Variants in OLR1 observed in about 807,000 individuals in gnomAD.
OLR1 encodes oxidized low-density lipoprotein receptor 1.
A neutral mutation model predicts 31.7 loss-of-function variants in OLR1; 23 were observed. That is an observed-to-expected ratio of 0.72 (90% CI 0.52 to 1.03). The LOEUF (loss-of-function observed/expected upper bound fraction) is 1.03, where lower values mean the gene tolerates loss of function less well. OLR1 is among the 50% of genes least tolerant of loss of function. OLR1 has a pLI of 0.00. For missense variants in OLR1, 286 were observed against 315.7 expected, an observed-to-expected ratio of 0.91 and a Z score of 0.71; for synonymous variants, 117 against 115.8, an observed-to-expected ratio of 1.01 and a Z score of -0.07.
rs935182876 is a variant in OLR1, at chr12:10,159,720, G to A, written c.*160C>T. ...TAGAATCAAAAATGTTGACATAAAGGTGCCAGGCTCCTGGAACCCCAGTTT... is the reference window on the plus strand; with the variant it reads ...TAGAATCAAAAATGTTGACATAAAGATGCCAGGCTCCTGGAACCCCAGTTT... On this transcript the variant is annotated 3_prime_UTR_variant, in exon 6 of 6. Coordinates refer to ENST00000309539, the MANE Select transcript of OLR1 (RefSeq NM_002543.4). The A allele has an allele frequency of 1.2e-5, 7 of 566,660 alleles. No homozygotes were observed. Among genetic ancestry groups the A allele is most frequent in the Admixed American group, 9.1e-5 (3 of 33,094 alleles). The allele number at this position is 566,660 out of a possible 1,614,324, so 35.1% of individuals were successfully genotyped here. A position where few individuals can be genotyped will look rare whatever the true frequency, so the allele number is the denominator to read the frequency against.
Position 10,166,758 on chromosome 12 carries a change from CTGG to C in OLR1, c.375_377del (p.His125del). The C allele has an allele frequency of 1.9e-6, 3 of 1,614,008 alleles. No individual in the cohort carries two copies. On this transcript the variant is annotated inframe_deletion, in exon 3 of 6. Coordinates refer to ENST00000309539, the MANE Select transcript of OLR1 (RefSeq NM_002543.4). Reference sequence around the variant, plus strand: ...TCAGTGTTTCTTGGAGATTCAGATTCTGGTGGTGAAGTTCCATTTGCTCTTTGG... The same window carrying C: ...TCAGTGTTTCTTGGAGATTCAGATTCTGGTGAAGTTCCATTTGCTCTTTGG...
chr12:10,160,500 A>C, intron 4 of OLR1, 38 bp from the exon 5 acceptor site: 3 of 1,499,478 alleles, frequency 2.0e-6, no homozygotes, highest in Non-Finnish European at 2.8e-6. Context: ...TGGAATCCAC[A>C]TGGTGGTTTT....
chr12:10,174,643 A>G (rs1264418785), upstream of OLR1, among the ~76,000 whole-genome samples: 1 of 152,188 alleles, frequency 6.6e-6, no homozygotes, highest in African/African-American at 2.4e-5. Flanking sequence ...ACCAGGCTCT[A>G]TAATCATACA....
chr12:10,166,222 T>A (rs34163097), intron 3 of OLR1, among the ~76,000 whole-genome samples: 10,243 of 151,422 alleles, frequency 0.068, 505 homozygotes, highest in South Asian at 0.21. Context: ...AATTAAAAAA[T>A]AATAATAAAA....
chr12:10,165,738 G>A (rs1948656197), intron 3 of OLR1, among the ~76,000 whole-genome samples: 1 of 151,822 alleles, frequency 6.6e-6, no homozygotes, highest in Non-Finnish European at 1.5e-5. Flanking sequence ...TCCAGCCTGG[G>A]TGTGACACAG....
At chr12:10,171,973 C>T in intron 1 of OLR1, 29 bp downstream of exon 1, 1 of 1,551,486 alleles carries the variant, frequency 6.4e-7, no homozygotes, top group South Asian at 1.1e-5. Context: ...GGGATTCTTT[C>T]CCTGTACACA....
At chr12:10,172,822 C>T (rs1948734636), upstream of OLR1, among the ~76,000 whole-genome samples, 1 of 152,036 alleles carries the variant, frequency 6.6e-6, no homozygotes, top group Admixed American at 6.6e-5. Flanking sequence ...TACCTGATAA[C>T]ATTGTTATAG....
Position 10,160,805 on chromosome 12 carries a change from A to G in OLR1, c.545T>C (p.Ile182Thr). ...CLSLDAKLLK[I>T]NSTADLDFIQ... ...ACTCACCAGATCAGCTGTGCTATTA[A>G]TTTTCAGCAACTTGGCATCCAAAGA... The change falls in exon 4 of 6, where the codon ATT becomes ACT. Residue 182 changes from isoleucine to threonine, a missense_variant. Physicochemically the swap from Ile to Thr is moderately conservative, Grantham distance 89. Transcript: ENST00000309539. The G allele has an allele frequency of 6.2e-7, 1 of 1,614,150 alleles. No homozygotes were observed. Among genetic ancestry groups the G allele is most frequent in the Non-Finnish European group, 8.5e-7 (1 of 1,180,002 alleles).
rs1948593966 is a variant in OLR1, at chr12:10,158,628, T to C, written c.*1252A>G. 6.6e-6 allele frequency: 1 copy of C among 152,214 alleles called. No homozygotes were observed. Among genetic ancestry groups the C allele is most frequent in the Non-Finnish European group, 1.5e-5 (1 of 68,036 alleles). The allele number at this position is 152,214 out of a possible 1,614,324, so 9.4% of individuals were successfully genotyped here. On this transcript the variant is annotated 3_prime_UTR_variant, in exon 6 of 6. Coordinates refer to ENST00000309539, the MANE Select transcript of OLR1 (RefSeq NM_002543.4). ...AGCATTGTGACACTTTGAGGGATGA[T>C]GGATATGTTCACTCTCTTAATTGTA...
chr12:10,165,729 C>T (rs373936128), intron 3 of OLR1, among the ~76,000 whole-genome samples: 28 of 151,580 alleles, frequency 1.8e-4, no homozygotes, highest in African/African-American at 6.6e-4. Flanking sequence ...CCACTGCATT[C>T]CAGCCTGGGT....
upstream of OLR1, chr12:10,175,191 T>C (rs947675259): frequency 6.6e-6 from 1 of 152,228 alleles, no homozygotes; most frequent in African/African-American, 2.4e-5. Context: ...GGAATGTATG[T>C]GATCATCTAC....
At chr12:10,162,312 C>T (rs1488955401) in intron 3 of OLR1, among the ~76,000 whole-genome samples, 1 of 151,916 alleles carries the variant, frequency 6.6e-6, no homozygotes, top group African/African-American at 2.4e-5. Context: ...TGGCATAAAA[C>T]CACTAAATAA....
chr12:10,172,347 A>G, upstream of OLR1: 1 of 326,182 alleles, frequency 3.1e-6, no homozygotes, highest in South Asian at 4.9e-5. Context: ...AGGGAAAACT[A>G]TTTTTCATGA....
intron 1 of OLR1, 60 bp from the exon 2 acceptor site, chr12:10,169,235 T>G: frequency 1.7e-6 from 2 of 1,190,276 alleles, no homozygotes; most frequent in Non-Finnish European, 2.4e-6. Flanking sequence ...AAGCAAACCA[T>G]TCCTTGGAGC....
intron 4 of OLR1, 145 bp downstream of exon 4, chr12:10,160,641 G>T: frequency 9.0e-7 from 1 of 1,112,544 alleles, no homozygotes; most frequent in Non-Finnish European, 1.3e-6. Context: ...TCCGTCCAAG[G>T]TCATACACAA....
chr12:10,160,717 A>G, intron 4 of OLR1, 69 bp downstream of exon 4: 2 of 1,558,594 alleles, frequency 1.3e-6, no homozygotes, highest in Non-Finnish European at 1.8e-6. Context: ...TCCTCCAGTG[A>G]CAGTTTAAAC....
In OLR1 at chr12:10,160,330, A is replaced by G. The variant is rs1431191434; in HGVS notation, c.680+17T>C. On this transcript the variant is annotated intron_variant, in intron 5 of 5. Transcript: ENST00000309539. ...GGAAACTGACGAGAGAGGCATCAAA[A>G]AGAATGGGAAACTTACAAGTGGGGC... 6.3e-7 allele frequency: 1 copy of G among 1,593,642 alleles called. No homozygotes were observed. The highest frequency in any genetic ancestry group is 2.2e-5 in the East Asian group (1 of 44,760).
In OLR1 at chr12:10,169,058, G is replaced by A. The variant is rs368095804; in HGVS notation, c.178+16C>T. ...CCCTGCCCCAATAAACATCAGTTCC[G>A]TATTTTAGCACTTACATTGCATGCC... On this transcript the variant is annotated intron_variant, in intron 2 of 5. Transcript: ENST00000309539. 3.0e-5 allele frequency: 47 copies of A among 1,570,526 alleles called. No individual in the cohort carries two copies. The highest frequency in any genetic ancestry group is 8.2e-5 in the African/African-American group (6 of 73,424).
chr12:10,159,906 T>A lies in OLR1; in HGVS notation c.796A>T (p.Lys266Ter). Residue 266 changes from lysine to a stop codon, truncating the protein, a stop_gained, in exon 6 of 6, where the codon AAG becomes TAG. Transcript: ENST00000309539. LOFTEE classifies it high-confidence loss of function. ...CILAAFSICQ[K>*]KANLRAQ ...CACTGTGCTCTTAGGTTTGCCTTCTTCTGACATATACTGAAGGCAGCTAAA... is the reference window on the plus strand; with the variant it reads ...CACTGTGCTCTTAGGTTTGCCTTCTACTGACATATACTGAAGGCAGCTAAA... 6.2e-7 allele frequency: 1 copy of A among 1,613,394 alleles called. No individual in the cohort carries two copies. Among genetic ancestry groups the A allele is most frequent in the Non-Finnish European group, 8.5e-7 (1 of 1,179,650 alleles).
Sources: gnomAD v4.1 joint callset for allele counts (sites outside exome capture counted in the v4.1 genomes callset) on GRCh38, gnomAD v4.1.1 for gene constraint, MANE v1.5 for transcripts, NCBI Gene and HGNC (gene_info 2026-07-23, HGNC 2026-07-21) for gene names.